Variants in MOB1B observed in about 807,000 individuals in gnomAD.
MOB1B encodes MOB1 Mps One Binder homolog B.
Under a neutral mutation model 24.4 loss-of-function variants are expected in MOB1B, and 19 were observed. The observed-to-expected ratio is 0.78, with a 90% CI of 0.54 to 1.14. MOB1B has a LOEUF of 1.14. Ranked by LOEUF, MOB1B falls within the 50% of genes most tolerant of loss-of-function variation. The pLI is 0.00. For missense variants in MOB1B, 243 were observed against 259.6 expected (o/e 0.94, Z 0.44); for synonymous variants, 76 against 82.1 (o/e 0.93, Z 0.40).
intron 3 of MOB1B, among the ~76,000 whole-genome samples, chr4:70,971,418 C>T (rs1738745343): frequency 6.6e-6 from 1 of 151,508 alleles, no homozygotes; most frequent in Non-Finnish European, 1.5e-5. Flanking sequence ...ATCACTTAAA[C>T]CTGGGAGGTG....
At chr4:70,921,281 A>T (rs1736425880) in intron 1 of MOB1B, among the ~76,000 whole-genome samples, 1 of 152,084 alleles carries the variant, frequency 6.6e-6, no homozygotes, top group Admixed American at 6.6e-5. Context: ...CAGTCAAGAA[A>T]TCCACTTTAG....
rs796182254 is a variant in MOB1B, at chr4:70,945,172, T to C, written c.15-13702T>C. 2.4e-4 allele frequency among the ~76,000 whole-genome samples: 36 copies of C among 152,304 alleles called. 1 individual carries two copies. Among genetic ancestry groups the C allele is most frequent in the African/African-American group, 8.7e-4 (36 of 41,572 alleles). On this transcript the variant is annotated intron_variant, in intron 1 of 5. Transcript: ENST00000309395. ...CATAGATGTGATTGCACACTACATA[T>C]ATCCTATGAAACCTAAGTATATATA... is the stretch of plus-strand genomic sequence containing the variant.
intron 1 of MOB1B, among the ~76,000 whole-genome samples, chr4:70,910,471 A>G (rs950839807): frequency 4.0e-5 from 6 of 151,730 alleles, no homozygotes; most frequent in African/African-American, 1.2e-4. Flanking sequence ...GTATATCTAT[A>G]TATATATTTT....
Position 70,975,305 on chromosome 4 carries a change from AG to A in MOB1B, c.409+24del. On this transcript the variant is annotated intron_variant, in intron 4 of 5. Coordinates refer to ENST00000309395, the MANE Select transcript of MOB1B (RefSeq NM_173468.4). ...AAAATTGGTATAATTAATTTTTGTA[AG>A]GGGGATCCATCATGATTTATCTTTT... 1 of 1,608,178 alleles carries A rather than the reference AG, an allele frequency of 6.2e-7. No homozygotes were observed. Among genetic ancestry groups the A allele is most frequent in the African/African-American group, 1.3e-5 (1 of 74,642 alleles).
At chr4:70,970,339 T>C (rs1450462406) in intron 3 of MOB1B, among the ~76,000 whole-genome samples, 1 of 152,210 alleles carries the variant, frequency 6.6e-6, no homozygotes, top group Admixed American at 6.5e-5. Context: ...CCCATTTCAC[T>C]CCTGTCATTT....
intron 1 of MOB1B, among the ~76,000 whole-genome samples, chr4:70,918,645 G>A (rs1452982989): frequency 1.3e-5 from 2 of 151,952 alleles, no homozygotes; most frequent in Admixed American, 6.6e-5. Flanking sequence ...TAGGTTGCCT[G>A]TTCACTCTGA....
chr4:70,931,815 C>T (rs1736899244), intron 1 of MOB1B, among the ~76,000 whole-genome samples: 1 of 152,094 alleles, frequency 6.6e-6, no homozygotes, highest in Non-Finnish European at 1.5e-5. Context: ...ACTGCAGCCT[C>T]GAACTCGTGG....
intron 1 of MOB1B, among the ~76,000 whole-genome samples, chr4:70,945,250 A>G (rs1266735506): frequency 6.6e-6 from 1 of 152,200 alleles, no homozygotes; most frequent in Non-Finnish European, 1.5e-5. Context: ...CAGATTACCG[A>G]AGGAGGAAGT....
At chr4:70,958,212 T>G (rs968265844) in intron 1 of MOB1B, among the ~76,000 whole-genome samples, 21 of 151,656 alleles carry the variant, frequency 1.4e-4, no homozygotes, top group African/African-American at 5.1e-4. Context: ...CCGCCCAGGC[T>G]AGAGTGCAGT....
upstream of MOB1B, chr4:70,902,309 T>G: frequency 1.7e-6 from 1 of 595,704 alleles, no homozygotes; most frequent in Non-Finnish European, 3.0e-6. Flanking sequence ...CTCCCTTTCC[T>G]TCCCCTCCCC....
chr4:70,918,367 T>G (rs1256562320), intron 1 of MOB1B, among the ~76,000 whole-genome samples: 2 of 151,462 alleles, frequency 1.3e-5, no homozygotes, highest in Non-Finnish European at 2.9e-5. Flanking sequence ...TCCTGACTTT[T>G]TAATGATTGC....
chr4:70,961,968 A>G (rs762250374), intron 2 of MOB1B, among the ~76,000 whole-genome samples: 44 of 152,356 alleles, frequency 2.9e-4, no homozygotes, highest in Non-Finnish European at 4.9e-4. Context: ...GGCTCACGCT[A>G]TAATCCCAGC....
chr4:70,968,151 A>G (rs916162070), intron 2 of MOB1B, among the ~76,000 whole-genome samples: 1 of 151,368 alleles, frequency 6.6e-6, no homozygotes, highest in Non-Finnish European at 1.5e-5. Flanking sequence ...TGCCCGGCCT[A>G]TGCTCTTTTT....
chr4:70,933,654 C>T (rs182244047), intron 1 of MOB1B, among the ~76,000 whole-genome samples: 20 of 146,842 alleles, frequency 1.4e-4, no homozygotes, highest in African/African-American at 3.8e-4. Flanking sequence ...CGGGTTCAAG[C>T]GATTCTCCTG....
chr4:70,914,542 G>C (rs746975840), intron 1 of MOB1B, among the ~76,000 whole-genome samples: 3 of 152,162 alleles, frequency 2.0e-5, no homozygotes, highest in Non-Finnish European at 4.4e-5. Context: ...ATGTGTTGCT[G>C]CTCCCAGGCA....
chr4:70,975,421 T>C, intron 4 of MOB1B, 135 bp downstream of exon 4: 1 of 1,370,908 alleles, frequency 7.3e-7, no homozygotes. Flanking sequence ...TGTTACGCAG[T>C]TCCCAAGAAG....
At chr4:70,928,836 C>T (rs1287938139) in intron 1 of MOB1B, among the ~76,000 whole-genome samples, 1 of 152,202 alleles carries the variant, frequency 6.6e-6, no homozygotes, top group Non-Finnish European at 1.5e-5. Flanking sequence ...GATCCTCCCA[C>T]CTTGGCCTCC....
intron 2 of MOB1B, among the ~76,000 whole-genome samples, chr4:70,968,572 A>G (rs1381909421): frequency 2.6e-5 from 4 of 152,026 alleles, no homozygotes; most frequent in Non-Finnish European, 5.9e-5. Context: ...CAGTCTCCCA[A>G]AGTGCTGAGA....
At chr4:70,911,641 C>A (rs1252812996) in intron 1 of MOB1B, among the ~76,000 whole-genome samples, 1 of 151,944 alleles carries the variant, frequency 6.6e-6, no homozygotes, top group Non-Finnish European at 1.5e-5. Flanking sequence ...TTATTGATTT[C>A]TTTCTCTAAG....
Sources: gnomAD v4.1 joint callset for allele counts (sites outside exome capture counted in the v4.1 genomes callset) on GRCh38, gnomAD v4.1.1 for gene constraint, MANE v1.5 for transcripts, NCBI Gene and HGNC (gene_info 2026-07-23, HGNC 2026-07-21) for gene names.